Variants in NKAIN2 observed in about 807,000 individuals in gnomAD.
The protein encoded by NKAIN2 is sodium/potassium-transporting ATPase subunit beta-1-interacting protein 2.
A neutral mutation model predicts 32.6 loss-of-function variants in NKAIN2; 14 were observed. The observed-to-expected ratio is 0.43, with a 90% CI of 0.28 to 0.67. NKAIN2 has a LOEUF of 0.67. Among genes scored for constraint, NKAIN2 ranks in the 30% least tolerant of loss-of-function variants. The pLI, the probability that NKAIN2 is intolerant of heterozygous loss-of-function variation, is 0.17. For missense variants in NKAIN2, 198 were observed against 258.3 expected, an observed-to-expected ratio of 0.77 and a Z score of 1.60; for synonymous variants, 80 against 87.2, an observed-to-expected ratio of 0.92 and a Z score of 0.46.
At chr6:124,695,872 A>G (rs1562329112) in intron 4 of NKAIN2, among the ~76,000 whole-genome samples, 1 of 152,228 alleles carries the variant, frequency 6.6e-6, no homozygotes, top group Non-Finnish European at 1.5e-5. Flanking sequence ...TAACAAGAGA[A>G]AGGCATAACA....
At chr6:124,734,239 A>G (rs1042561785) in intron 4 of NKAIN2, among the ~76,000 whole-genome samples, 2 of 151,850 alleles carry the variant, frequency 1.3e-5, no homozygotes, top group Non-Finnish European at 2.9e-5. Flanking sequence ...ACAAGTATGT[A>G]AATTCTATTT....
intron 1 of NKAIN2, among the ~76,000 whole-genome samples, chr6:124,078,754 A>G (rs953541626): frequency 2.0e-5 from 3 of 151,174 alleles, no homozygotes; most frequent in Non-Finnish European, 2.9e-5. Flanking sequence ...AAGACATATT[A>G]AGTGAACAAG....
chr6:124,017,892 C>T (rs960504736), intron 1 of NKAIN2, among the ~76,000 whole-genome samples: 1 of 152,066 alleles, frequency 6.6e-6, no homozygotes, highest in Non-Finnish European at 1.5e-5. Context: ...AGGACAGTGG[C>T]CCTCTTCTCA....
intron 3 of NKAIN2, among the ~76,000 whole-genome samples, chr6:124,407,444 T>A (rs1451503484): frequency 6.6e-6 from 1 of 150,924 alleles, no homozygotes; most frequent in Non-Finnish European, 1.5e-5. Context: ...GAACATGCGG[T>A]GTTTGGTTTT....
chr6:124,236,168 A>G (rs1189116773), intron 1 of NKAIN2, among the ~76,000 whole-genome samples: 1 of 152,144 alleles, frequency 6.6e-6, no homozygotes, highest in Non-Finnish European at 1.5e-5. Context: ...CATTTTTCTC[A>G]ACAATTATTA....
At chr6:124,421,792 C>G (rs1210739140) in intron 3 of NKAIN2, among the ~76,000 whole-genome samples, 1 of 152,148 alleles carries the variant, frequency 6.6e-6, no homozygotes, top group East Asian at 1.9e-4. Flanking sequence ...AATTGACTCA[C>G]ATTTCCAGAG....
At position 124,376,718 on chromosome 6, in the gene NKAIN2, G is replaced by A. The variant is rs188389659; in HGVS notation, c.273+21371G>A. ...CCTATCCAATATAAAACAGAATAAT[G>A]TGATGCATTTTAGAATTATGTTTTT... On this transcript the variant is annotated intron_variant, in intron 3 of 6. Transcript: ENST00000368417. Among the ~76,000 whole-genome samples, 14 of 152,100 alleles carry A rather than the reference G, an allele frequency of 9.2e-5. No individual in the cohort carries two copies. The East Asian group carries it at 2.7e-3, about 30-fold the overall frequency.
At position 124,398,252 on chromosome 6, in the gene NKAIN2, C is replaced by CAAAAAAAAAAAAAAAAAAAAAA. The variant is rs869039720; in HGVS notation, c.273+42914_273+42935dup. On this transcript the variant is annotated intron_variant, in intron 3 of 6. Transcript: ENST00000368417. Reference sequence around the variant, plus strand: ...TGGGTGACAGAGAGAGACTGCATCTCAAAAAAAAAAAAAAAAAAAAAAAAA... The same window carrying CAAAAAAAAAAAAAAAAAAAAAA: ...TGGGTGACAGAGAGAGACTGCATCTCAAAAAAAAAAAAAAAAAAAAAAAAAAAAAAAAAAAAAAAAAAAAAAA... Among the ~76,000 whole-genome samples the CAAAAAAAAAAAAAAAAAAAAAA allele has an allele frequency of 3.6e-4, 25 of 69,060 alleles. 1 individual carries two copies. Among genetic ancestry groups the CAAAAAAAAAAAAAAAAAAAAAA allele is most frequent in the African/African-American group, 1.2e-3 (15 of 12,914 alleles). The allele number at this position is 69,060 out of a possible 152,430, so 45.3% of individuals were successfully genotyped here.
chr6:124,020,531 G>T (rs1780815301), intron 1 of NKAIN2, among the ~76,000 whole-genome samples: 1 of 152,000 alleles, frequency 6.6e-6, no homozygotes. Flanking sequence ...CAGGAAAGAG[G>T]TTGTTACTGC....
intron 2 of NKAIN2, among the ~76,000 whole-genome samples, chr6:124,336,424 A>G (rs1797860384): frequency 6.6e-6 from 1 of 152,122 alleles, no homozygotes; most frequent in Admixed American, 6.5e-5. Context: ...GTGTTATACA[A>G]GGAAAGGAGC....
At chr6:123,882,899 C>G (rs890068274) in intron 1 of NKAIN2, among the ~76,000 whole-genome samples, 1 of 152,158 alleles carries the variant, frequency 6.6e-6, no homozygotes, top group Non-Finnish European at 1.5e-5. Flanking sequence ...TCAGTAAATT[C>G]ACAGAACACC....
In NKAIN2 at chr6:124,135,515, TAAAAAA is replaced by T. The variant is rs56183476; in HGVS notation, c.55-147474_55-147469del. 7.0e-3 allele frequency among the ~76,000 whole-genome samples: 707 copies of T among 100,386 alleles called. 1 individual carries two copies. The highest frequency in any genetic ancestry group is 0.011 in the Non-Finnish European group (531 of 50,102). 65.9% of individuals were successfully genotyped at this position (100,386 alleles called of 152,430 possible). ...AAAACAGACTTTAAAGCAACGATAG[TAAAAAA>T]AAAAAAAAAAAAAAAGAAGACATTA... On this transcript the variant is annotated intron_variant, in intron 1 of 6. Coordinates refer to ENST00000368417, the MANE Select transcript of NKAIN2 (RefSeq NM_001040214.3).
In NKAIN2 at chr6:124,078,164, G is replaced by A. The variant is rs142360764; in HGVS notation, c.55-204841G>A. Reference sequence around the variant, plus strand: ...GGGTCTAAGTACAGATTTTGAAGGTGTGAATTAATAAAATTTTTCTAGAGA... The same window carrying A: ...GGGTCTAAGTACAGATTTTGAAGGTATGAATTAATAAAATTTTTCTAGAGA... On this transcript the variant is annotated intron_variant, in intron 1 of 6. Transcript: ENST00000368417. 6.3e-4 allele frequency among the ~76,000 whole-genome samples: 96 copies of A among 152,262 alleles called. 2 individuals carry two copies. The East Asian group carries it at 0.019, about 29-fold the overall frequency.
chr6:124,563,799 T>C (rs1396156826), intron 3 of NKAIN2, among the ~76,000 whole-genome samples: 1 of 151,736 alleles, frequency 6.6e-6, no homozygotes, highest in Non-Finnish European at 1.5e-5. Context: ...GCCTCCGGAG[T>C]AGCTGGGAGT....
In NKAIN2 at chr6:123,892,652, GC is replaced by G. The variant is rs962455824; in HGVS notation, c.54+88399del. ...CAGGTTTTCTGCAATCAGATTAGCT[GC>G]TCCTCCTTCCTTAGGGAGGAAGGAA... On this transcript the variant is annotated intron_variant, in intron 1 of 6. Transcript: ENST00000368417. Among the ~76,000 whole-genome samples the G allele has an allele frequency of 3.9e-5, 6 of 151,982 alleles. 1 individual carries two copies. The South Asian group carries it at 1.3e-3, about 32-fold the overall frequency.
At chr6:124,410,046 T>A (rs1321073588) in intron 3 of NKAIN2, among the ~76,000 whole-genome samples, 2 of 152,178 alleles carry the variant, frequency 1.3e-5, no homozygotes, top group Non-Finnish European at 2.9e-5. Flanking sequence ...GATATCCCCT[T>A]TGTCATTTTT....
At chr6:124,438,824 C>G (rs1775570006) in intron 3 of NKAIN2, among the ~76,000 whole-genome samples, 1 of 152,124 alleles carries the variant, frequency 6.6e-6, no homozygotes, top group African/African-American at 2.4e-5. Flanking sequence ...CTTTCCTTGT[C>G]TTCTGGGACA....
chr6:124,016,525 A>C (rs1239725615), intron 1 of NKAIN2, among the ~76,000 whole-genome samples: 1 of 152,128 alleles, frequency 6.6e-6, no homozygotes, highest in Non-Finnish European at 1.5e-5. Flanking sequence ...TTTTTAAGTC[A>C]GCTTTGAAAT....
chr6:124,590,009 T>C (rs866598221), intron 3 of NKAIN2, among the ~76,000 whole-genome samples: 3 of 152,218 alleles, frequency 2.0e-5, no homozygotes, highest in South Asian at 2.1e-4. Flanking sequence ...CCTCTCCTCA[T>C]TGCTGGCAGA....
Sources: gnomAD v4.1 joint callset for allele counts (sites outside exome capture counted in the v4.1 genomes callset) on GRCh38, gnomAD v4.1.1 for gene constraint, MANE v1.5 for transcripts, NCBI Gene and HGNC (gene_info 2026-07-23, HGNC 2026-07-21) for gene names.